The following ADK variants were observed in gnomAD, a reference collection of about 807,000 sequenced individuals.
ADK encodes the protein adenosine kinase, also known as N6,N6-dimethyladenosine kinase.
A neutral mutation model predicts 44.7 loss-of-function variants in ADK; 24 were observed. That is an observed-to-expected ratio of 0.54 (90% confidence interval 0.39 to 0.76). The LOEUF is 0.76. ADK is among the 30% of genes least tolerant of loss of function. The pLI is 0.00. For synonymous variants in ADK, 128 were observed against 142.6 expected (o/e 0.90, Z 0.73); for missense variants, 321 against 425.1 (o/e 0.76, Z 2.15).
intron 6 of ADK, among the ~76,000 whole-genome samples, chr10:74,513,866 A>G (rs1448281471): frequency 6.6e-6 from 1 of 152,058 alleles, no homozygotes; most frequent in African/African-American, 2.4e-5. Flanking sequence ...AAAAGGTTTG[A>G]TTCCTTTCTC....
chr10:74,586,090 C>G (rs1851516450), intron 7 of ADK, among the ~76,000 whole-genome samples: 1 of 152,108 alleles, frequency 6.6e-6, no homozygotes, highest in Admixed American at 6.5e-5. Context: ...AAACTGTTCC[C>G]CCGTGTTGTT....
At chr10:74,527,436 G>T in intron 7 of ADK, 1 of 480,012 alleles carries the variant, frequency 2.1e-6, no homozygotes, top group East Asian at 3.9e-5. Flanking sequence ...AAAGCTTAGG[G>T]AGATTGAATG....
intron 2 of ADK, among the ~76,000 whole-genome samples, chr10:74,205,993 A>G (rs2132171170): frequency 6.6e-6 from 1 of 152,360 alleles, no homozygotes; most frequent in East Asian, 1.9e-4. Context: ...CAAAGGCTGT[A>G]ATAAACAGAA....
intron 1 of ADK, among the ~76,000 whole-genome samples, chr10:74,172,689 CAAAA>C (rs67914966): frequency 1.5e-5 from 1 of 66,292 alleles, no homozygotes. Flanking sequence ...AACTCCATCT[CAAAA>C]AAAAAAAAAA....
intron 7 of ADK, among the ~76,000 whole-genome samples, chr10:74,586,010 G>A (rs1348207101): frequency 6.6e-6 from 1 of 152,180 alleles, no homozygotes; most frequent in African/African-American, 2.4e-5. Flanking sequence ...CTGACCTAAT[G>A]TCTTTTCTTT....
chr10:74,369,003 G>T (rs1260168073), intron 4 of ADK, among the ~76,000 whole-genome samples: 1 of 152,108 alleles, frequency 6.6e-6, no homozygotes, highest in African/African-American at 2.4e-5. Context: ...CAGGGTGTTG[G>T]TAACCATTTA....
chr10:74,390,281 T>G (rs1336629282), intron 4 of ADK, among the ~76,000 whole-genome samples: 1 of 152,160 alleles, frequency 6.6e-6, no homozygotes, highest in African/African-American at 2.4e-5. Context: ...TTTTATGATA[T>G]TAACTGCTTC....
chr10:74,588,484 T>G (rs779800713), intron 7 of ADK, among the ~76,000 whole-genome samples: 14 of 152,220 alleles, frequency 9.2e-5, no homozygotes, highest in Non-Finnish European at 1.6e-4. Context: ...TTTCTCTGTG[T>G]ATACTTTAAC....
chr10:74,430,158 A>AT (rs201184199), intron 6 of ADK, among the ~76,000 whole-genome samples: 13 of 151,938 alleles, frequency 8.6e-5, no homozygotes, highest in African/African-American at 1.2e-4. Flanking sequence ...TTTTTAATTA[A>AT]TTTTTTTTAT....
chr10:74,328,694 A>T (rs1841104267), intron 4 of ADK, among the ~76,000 whole-genome samples: 1 of 152,150 alleles, frequency 6.6e-6, no homozygotes, highest in African/African-American at 2.4e-5. Flanking sequence ...TTCTCCTGCC[A>T]CCATGTGAAG....
chr10:74,563,982 C>T (rs987068938), intron 7 of ADK, among the ~76,000 whole-genome samples: 4 of 151,858 alleles, frequency 2.6e-5, no homozygotes, highest in South Asian at 2.1e-4. Flanking sequence ...CATGCTGGTG[C>T]GCTGCACCCA....
intron 6 of ADK, among the ~76,000 whole-genome samples, chr10:74,485,303 G>A (rs897775721): frequency 6.6e-6 from 1 of 151,736 alleles, no homozygotes; most frequent in Non-Finnish European, 1.5e-5. Flanking sequence ...TCATTAATTA[G>A]GGAAATGCAT....
chr10:74,260,742 GCTTA>G (rs2132371879), intron 3 of ADK, among the ~76,000 whole-genome samples: 1 of 152,222 alleles, frequency 6.6e-6, no homozygotes, highest in South Asian at 2.1e-4. Flanking sequence ...TGTGTTCCCT[GCTTA>G]CTGTTTCTTC....
intron 9 of ADK, among the ~76,000 whole-genome samples, chr10:74,636,595 T>C (rs1192664360): frequency 1.3e-5 from 2 of 152,226 alleles, no homozygotes; most frequent in African/African-American, 4.8e-5. Context: ...TCTATGTACT[T>C]GGTAAAGGAC....
intron 3 of ADK, among the ~76,000 whole-genome samples, chr10:74,304,336 T>C (rs1046203833): frequency 6.6e-6 from 1 of 152,186 alleles, no homozygotes; most frequent in Non-Finnish European, 1.5e-5. Flanking sequence ...GTTGATGGCA[T>C]TTATTGAGTG....
At chr10:74,667,347 A>G (rs1854996481) in intron 9 of ADK, among the ~76,000 whole-genome samples, 3 of 152,090 alleles carry the variant, frequency 2.0e-5, no homozygotes, top group African/African-American at 7.2e-5. Flanking sequence ...CTGTACTGAT[A>G]AGTATAAAAA....
chr10:74,225,934 T>G (rs1388499782), intron 3 of ADK, among the ~76,000 whole-genome samples: 1 of 152,202 alleles, frequency 6.6e-6, no homozygotes, highest in Non-Finnish European at 1.5e-5. Context: ...AAAAGTTCCT[T>G]TAGTCCTTAG....
intron 4 of ADK, among the ~76,000 whole-genome samples, chr10:74,325,658 A>T (rs906064675): frequency 6.6e-6 from 1 of 152,150 alleles, no homozygotes; most frequent in African/African-American, 2.4e-5. Flanking sequence ...CATTCCTTCT[A>T]TACCCAATTT....
At chr10:74,550,510 C>G (rs1849995489) in intron 7 of ADK, among the ~76,000 whole-genome samples, 1 of 152,108 alleles carries the variant, frequency 6.6e-6, no homozygotes. Flanking sequence ...TAATTGCTCT[C>G]CCTGCCTCTG....
Sources: gnomAD v4.1 joint callset for allele counts (sites outside exome capture counted in the v4.1 genomes callset) on GRCh38, gnomAD v4.1.1 for gene constraint, MANE v1.5 for transcripts, NCBI Gene and HGNC (gene_info 2026-07-23, HGNC 2026-07-21) for gene names.